CEP152: variants seen among roughly 807,000 people sequenced by gnomAD.
CEP152 encodes the protein centrosomal protein of 152 kDa.
CEP152 carries 132 observed loss-of-function variants against 188.9 expected under a neutral mutation model. The observed-to-expected ratio is 0.70, with a 90% CI of 0.61 to 0.81. The LOEUF is 0.81. Ranked by LOEUF, CEP152 falls within the 30% of genes least tolerant of loss-of-function variation. The probability of loss-of-function intolerance (pLI) is 0.00; values close to 1 mark genes in which losing one functional copy is unlikely to be tolerated. For missense variants in CEP152, 1,914 were observed against 1,969.8 expected (o/e 0.97, Z 0.54); for synonymous variants, 649 against 666.6 (o/e 0.97, Z 0.41).
At chr15:48,805,307 C>T (rs890053344) in intron 2 of CEP152, among the ~76,000 whole-genome samples, 10 of 152,110 alleles carry the variant, frequency 6.6e-5, no homozygotes, top group Non-Finnish European at 1.5e-4. Flanking sequence ...CCATTACCTC[C>T]TAAATGAAAA....
In CEP152 at chr15:48,739,303, G is replaced by A. The variant is rs763010519; in HGVS notation, c.4094-15C>T. 1.3e-6 allele frequency: 2 copies of A among 1,590,340 alleles called. No homozygotes were observed. On this transcript the variant is annotated splice_polypyrimidine_tract_variant and intron_variant, in intron 26 of 26. Coordinates refer to ENST00000380950, the MANE Select transcript of CEP152 (RefSeq NM_001194998.2). ...TAGGGGCAGTGCTATTATGTGCAAG[G>A]AAACACGAAATTAAGAGAAAATTAA...
At chr15:48,772,803 T>C (rs1006180401) in intron 12 of CEP152, 112 bp from the exon 13 acceptor site, 2 of 840,340 alleles carry the variant, frequency 2.4e-6, no homozygotes, top group East Asian at 2.6e-5. Context: ...TATACAATTA[T>C]ATACTAGTAT....
In CEP152 at chr15:48,791,315, T is replaced by C. The variant is rs1453576495; in HGVS notation, c.894A>G (p.Lys298=). The C allele has an allele frequency of 6.2e-7, 1 of 1,612,514 alleles. No homozygotes were observed. The highest frequency in any genetic ancestry group is 2.2e-5 in the East Asian group (1 of 44,834). ...RESQKLFQNG[K]EREIQLEAQI... ...GAGCTTCAAGCTGTATCTCTCTTTC[T>C]TTTCCATTCTGAAAGAGTTTCTGTG... Residue 298 remains lysine, a synonymous_variant, in exon 8 of 27, where the codon AAA becomes AAG. Coordinates refer to ENST00000380950, the MANE Select transcript of CEP152 (RefSeq NM_001194998.2).
intron 20 of CEP152, 132 bp downstream of exon 20, chr15:48,755,771 T>C: frequency 2.6e-6 from 4 of 1,521,364 alleles, no homozygotes; most frequent in African/African-American, 1.4e-5. Context: ...TACAGAAACT[T>C]TTTTAAACCA....
chr15:48,807,442 C>CT (rs1898052543), intron 1 of CEP152, among the ~76,000 whole-genome samples: 1 of 152,002 alleles, frequency 6.6e-6, no homozygotes, highest in South Asian at 2.1e-4. Context: ...GTAGTCCCAG[C>CT]TACTCGGGAG....
At chr15:48,784,222 A>T (rs368343610) in intron 9 of CEP152, 102 bp from the exon 10 acceptor site, 6 of 1,142,124 alleles carry the variant, frequency 5.3e-6, no homozygotes, top group African/African-American at 3.1e-5. Flanking sequence ...CAAACACAAG[A>T]TCATCACATG....
chr15:48,731,272 A>G (rs934151696), intron 2 of CEP152, among the ~76,000 whole-genome samples: 1 of 152,222 alleles, frequency 6.6e-6, no homozygotes, highest in Non-Finnish European at 1.5e-5. Flanking sequence ...AGTATATCTT[A>G]CCTTCCTGTG....
rs371933551 is a variant in CEP152 at position 48,752,452 on chromosome 15, G to C, written c.3363C>G (p.Leu1121=). ...TGCCCTGGCTGGCAGAATCCTTAGA[G>C]AGCTCGGCCATATTTCTCTGAAATA... The part of the protein sequence containing the change: ...PEWKKRNMAE[L]SKDSASQGTG... Residue 1121 remains leucine, a synonymous_variant, in exon 21 of 27, where the codon CTC becomes CTG. Coordinates refer to ENST00000380950, the MANE Select transcript of CEP152 (RefSeq NM_001194998.2). 5.0e-6 allele frequency: 8 copies of C among 1,613,530 alleles called. No individual in the cohort carries two copies. In the Admixed American group the frequency reaches 5.0e-5, roughly 10 times the overall value.
chr15:48,795,746 G>A (rs1377404307), intron 6 of CEP152, among the ~76,000 whole-genome samples: 1 of 152,028 alleles, frequency 6.6e-6, no homozygotes, highest in Admixed American at 6.6e-5. Flanking sequence ...ATGAACTCAT[G>A]GCCAATTTGG....
intron 22 of CEP152, among the ~76,000 whole-genome samples, chr15:48,745,646 T>C (rs1893350267): frequency 1.3e-5 from 2 of 151,720 alleles, no homozygotes; most frequent in African/African-American, 4.8e-5. Flanking sequence ...TTCTCAAGGG[T>C]GGGGAGAGTT....
chr15:48,730,991 G>C (rs1245558792), intron 2 of CEP152, among the ~76,000 whole-genome samples: 1 of 152,132 alleles, frequency 6.6e-6, no homozygotes, highest in African/African-American at 2.4e-5. Flanking sequence ...AAAGAAAAAA[G>C]CTGTCAAGAA....
In CEP152 at chr15:48,738,540, G is replaced by A. The variant is rs765678153; in HGVS notation, c.4842C>T (p.Ser1614=). 8.1e-6 allele frequency: 13 copies of A among 1,614,004 alleles called. No homozygotes were observed. Among genetic ancestry groups the A allele is most frequent in the South Asian group, 6.6e-5 (6 of 91,076 alleles). ...TTTCCTCTGTATCTGAAAGATAACC[G>A]GATGGTGAAAACTGTTTGGATTTAA... is the stretch of plus-strand genomic sequence containing the variant. ...ESVKSKQFSP[S]GYLSDTEESN... The change falls in exon 27 of 27, where the codon TCC becomes TCT. Residue 1614 remains serine, a synonymous_variant. Coordinates refer to ENST00000380950, the MANE Select transcript of CEP152 (RefSeq NM_001194998.2).
chr15:48,762,432 T>C lies in CEP152; in HGVS notation c.2521A>G (p.Ile841Val). The change falls in exon 18 of 27, where the codon ATT (isoleucine) becomes GTT (valine). Residue 841 changes from isoleucine to valine, a missense_variant. Ile to Val is a conservative substitution (Grantham distance 29). Coordinates refer to ENST00000380950, the MANE Select transcript of CEP152 (RefSeq NM_001194998.2). ...TCACAATGTTTGAGTTCCAATTCAA[T>C]TTCGAGTTTCTTCATAGCCCCCTTG... ...AIKGAMKKLE[I>V]ELELKHCENI... The C allele has an allele frequency of 6.2e-7, 1 of 1,614,102 alleles. No individual in the cohort carries two copies. Among genetic ancestry groups the C allele is most frequent in the African/African-American group, 1.3e-5 (1 of 75,046 alleles).
chr15:48,736,149 C>T (rs1187694145), downstream of CEP152, among the ~76,000 whole-genome samples: 1 of 152,164 alleles, frequency 6.6e-6, no homozygotes, highest in East Asian at 1.9e-4. Context: ...AAAATCCACA[C>T]TTCTGCACCA....
intron 2 of CEP152, among the ~76,000 whole-genome samples, chr15:48,805,176 T>C (rs1240220640): frequency 6.6e-6 from 1 of 152,198 alleles, no homozygotes; most frequent in Non-Finnish European, 1.5e-5. Context: ...TACTCACTTG[T>C]TTACTTGTTT....
intron 12 of CEP152, among the ~76,000 whole-genome samples, chr15:48,780,543 A>C (rs1312984247): frequency 6.6e-6 from 1 of 152,220 alleles, no homozygotes; most frequent in Non-Finnish European, 1.5e-5. Context: ...CTTAAACTAT[A>C]AACAAAAGGG....
intron 2 of CEP152, among the ~76,000 whole-genome samples, chr15:48,802,707 T>C (rs1245061140): frequency 6.6e-6 from 1 of 152,222 alleles, no homozygotes; most frequent in Non-Finnish European, 1.5e-5. Flanking sequence ...CTCTAAATAT[T>C]GAATAAAGTA....
chr15:48,793,208 G>C, intron 7 of CEP152, 113 bp downstream of exon 7: 1 of 1,238,440 alleles, frequency 8.1e-7, no homozygotes, highest in Non-Finnish European at 1.2e-6. Context: ...CACTCACTAT[G>C]AGCCCTCTGA....
chr15:48,802,716 T>A (rs1595704612), intron 2 of CEP152, among the ~76,000 whole-genome samples: 1 of 152,234 alleles, frequency 6.6e-6, no homozygotes, highest in African/African-American at 2.4e-5. Flanking sequence ...TTGAATAAAG[T>A]ATTTACTAAA....
Sources: gnomAD v4.1 joint callset for allele counts (sites outside exome capture counted in the v4.1 genomes callset) on GRCh38, gnomAD v4.1.1 for gene constraint, MANE v1.5 for transcripts, NCBI Gene and HGNC (gene_info 2026-07-23, HGNC 2026-07-21) for gene names.